The following CAP2 variants were observed in gnomAD, a reference collection of about 807,000 sequenced individuals.
CAP2 encodes the protein cyclase associated actin cytoskeleton regulatory protein 2, also known as adenylyl cyclase-associated protein 2.
Under a neutral mutation model 57.7 loss-of-function variants are expected in CAP2, and 24 were observed. The observed-to-expected ratio is 0.42, with a 90% CI of 0.30 to 0.58. CAP2 has a LOEUF of 0.58. Among genes scored for constraint, CAP2 ranks in the 20% least tolerant of loss-of-function variants. The pLI is 0.22. For synonymous variants in CAP2, 194 were observed against 207.2 expected (o/e 0.94, Z 0.55); for missense variants, 501 against 590.3 (o/e 0.85, Z 1.57).
intron 7 of CAP2, among the ~76,000 whole-genome samples, chr6:17,526,786 C>T (rs898514073): frequency 6.6e-6 from 1 of 151,290 alleles, no homozygotes; most frequent in African/African-American, 2.4e-5. Context: ...GGTGAAACCC[C>T]GTCTCTACTA....
chr6:17,517,850 G>A (rs990358453), intron 7 of CAP2, among the ~76,000 whole-genome samples: 1 of 152,128 alleles, frequency 6.6e-6, no homozygotes, highest in African/African-American at 2.4e-5. Flanking sequence ...GTAGTGAGCC[G>A]AGATCGTGCC....
chr6:17,542,444 A>G lies in CAP2; in HGVS notation c.1003-393A>G, dbSNP rs557382889. On this transcript the variant is annotated intron_variant, in intron 9 of 12. Transcript: ENST00000229922. Reference sequence around the variant, plus strand: ...TCCCTGGAGAGTTGTCATCGCCTTGAAAACACAAGGGCTTAGACCACTGCT... The same window carrying G: ...TCCCTGGAGAGTTGTCATCGCCTTGGAAACACAAGGGCTTAGACCACTGCT... 6.0e-4 allele frequency among the ~76,000 whole-genome samples: 88 copies of G among 146,836 alleles called. 2 individuals carry two copies. The Middle Eastern group carries it at 0.01, about 17-fold the overall frequency.
At chr6:17,491,926 T>C (rs570039444) in intron 4 of CAP2, among the ~76,000 whole-genome samples, 1 of 152,380 alleles carries the variant, frequency 6.6e-6, no homozygotes, top group East Asian at 1.9e-4. Context: ...CCCACAGGAC[T>C]CTCAGATTTC....
At chr6:17,435,681 T>TAAA (rs71002211) in intron 3 of CAP2, among the ~76,000 whole-genome samples, 351 of 67,322 alleles carry the variant, frequency 5.2e-3, no homozygotes, top group East Asian at 9.4e-3. Context: ...TAGAGTATAA[T>TAAA]AAAAAAAAAA....
chr6:17,438,726 A>C (rs1354210955), intron 3 of CAP2, among the ~76,000 whole-genome samples: 10 of 145,766 alleles, frequency 6.9e-5, no homozygotes, highest in African/African-American at 1.5e-4. Flanking sequence ...GGTGTGAGCC[A>C]CCGCACCCGG....
At position 17,428,331 on chromosome 6, in the gene CAP2, G is replaced by A. The variant is rs189971488; in HGVS notation, c.222+1641G>A. Reference sequence around the variant, plus strand: ...TGTTTGCATTCATTTAGTGAAAATCGAATGTGATAGCCAAACCAATTAAAA... The same window carrying A: ...TGTTTGCATTCATTTAGTGAAAATCAAATGTGATAGCCAAACCAATTAAAA... On this transcript the variant is annotated intron_variant, in intron 3 of 12. Coordinates refer to ENST00000229922, the MANE Select transcript of CAP2 (RefSeq NM_006366.3). Among the ~76,000 whole-genome samples, 167 of 152,162 alleles carry A rather than the reference G, an allele frequency of 1.1e-3. 1 individual carries two copies. The Middle Eastern group carries it at 0.017, about 15-fold the overall frequency.
intron 7 of CAP2, among the ~76,000 whole-genome samples, chr6:17,520,041 G>C (rs1347607599): frequency 6.6e-6 from 1 of 152,148 alleles, no homozygotes; most frequent in Admixed American, 6.6e-5. Context: ...ACTGCACATG[G>C]ATGAATGTAT....
intron 7 of CAP2, 94 bp downstream of exon 7, chr6:17,514,048 C>T: frequency 1.2e-6 from 1 of 807,932 alleles, no homozygotes; most frequent in Non-Finnish European, 2.1e-6. Context: ...AAACTTACCT[C>T]AAGGAAAATG....
At chr6:17,393,967 T>G (rs1432271599) in intron 1 of CAP2, among the ~76,000 whole-genome samples, 1 of 147,634 alleles carries the variant, frequency 6.8e-6, no homozygotes, top group East Asian at 2.0e-4. Flanking sequence ...GCGGGCGGAC[T>G]CCCATCTGGG....
chr6:17,473,972 G>T (rs1176121445), intron 4 of CAP2, among the ~76,000 whole-genome samples: 5 of 152,080 alleles, frequency 3.3e-5, no homozygotes, highest in African/African-American at 1.2e-4. Context: ...TTTAGGAGAA[G>T]ACAAACTGCT....
chr6:17,532,134 CTTTTT>C (rs35428314), intron 7 of CAP2, among the ~76,000 whole-genome samples: 6 of 85,992 alleles, frequency 7.0e-5, no homozygotes, highest in Non-Finnish European at 1.1e-4. Flanking sequence ...GTTTGAAAAT[CTTTTT>C]TTTTTTTTTT....
chr6:17,429,835 C>T (rs955956484), intron 3 of CAP2, among the ~76,000 whole-genome samples: 5 of 152,192 alleles, frequency 3.3e-5, no homozygotes, highest in African/African-American at 4.8e-5. Flanking sequence ...CTGCCCATGA[C>T]GTTAATACTT....
chr6:17,507,543 C>A, intron 5 of CAP2, 98 bp from the exon 6 acceptor site: 2 of 838,494 alleles, frequency 2.4e-6, no homozygotes, highest in Non-Finnish European at 4.1e-6. Flanking sequence ...ACTTTCAAGT[C>A]CACGCGTCTC....
Position 17,431,390 on chromosome 6 carries a change from A to C in CAP2, c.222+4700A>C, listed in dbSNP as rs114317397. Among the ~76,000 whole-genome samples, 1,271 of 152,338 alleles carry C rather than the reference A, an allele frequency of 8.3e-3. 16 individuals are homozygous for C. Among genetic ancestry groups the C allele is most frequent in the African/African-American group, 0.028 (1,183 of 41,574 alleles). On this transcript the variant is annotated intron_variant, in intron 3 of 12. Transcript: ENST00000229922. ...ACCACAATTTGAACAAAAGGGCAAT[A>C]AAATTCAACTAAACGTAACACACAT...
Position 17,556,736 on chromosome 6 carries a change from AG to A in CAP2, c.*295del, listed in dbSNP as rs1361455583. On this transcript the variant is annotated 3_prime_UTR_variant, in exon 13 of 13. Transcript: ENST00000229922. ...TCTGTTCCCCTCATATCATGAACAC[AG>A]TAACTGATAGGTAAAAAGACTGCAT... 1.2e-5 allele frequency: 4 copies of A among 334,084 alleles called. No homozygotes were observed. The highest frequency in any genetic ancestry group is 8.3e-5 in the African/African-American group (4 of 48,154). 20.7% of individuals were successfully genotyped at this position (334,084 alleles called of 1,614,324 possible).
intron 1 of CAP2, among the ~76,000 whole-genome samples, chr6:17,407,452 C>T (rs1405024743): frequency 1.3e-5 from 2 of 151,032 alleles, no homozygotes; most frequent in African/African-American, 2.4e-5. Flanking sequence ...GCACTCCAGC[C>T]TGGGCAGCTG....
chr6:17,485,428 C>T (rs1241841393), intron 4 of CAP2, among the ~76,000 whole-genome samples: 11 of 152,150 alleles, frequency 7.2e-5, no homozygotes, highest in African/African-American at 1.2e-4. Flanking sequence ...CGGTGCCACC[C>T]GGCTTTCCCC....
In CAP2 at chr6:17,432,963, C is replaced by T. The variant is rs71556110; in HGVS notation, c.222+6273C>T. ...TTCCTCCCTCCCTCCCTCCCTCTCT[C>T]CCCCCTCCCTCCCTCTCTCCCTTCC... On this transcript the variant is annotated intron_variant, in intron 3 of 12. Transcript: ENST00000229922. Among the ~76,000 whole-genome samples, 35 of 130,542 alleles carry T rather than the reference C, an allele frequency of 2.7e-4. No homozygotes were observed. The South Asian group carries it at 6.0e-3, about 22-fold the overall frequency. The allele number at this position is 130,542 out of a possible 152,430, so 85.6% of individuals were successfully genotyped here.
intron 9 of CAP2, 42 bp downstream of exon 9, chr6:17,541,190 A>G: frequency 6.7e-7 from 1 of 1,498,982 alleles, no homozygotes. Flanking sequence ...GACATGCGCC[A>G]ATGAAAGGAC....
Sources: allele counts gnomAD v4.1 joint callset (sites outside exome capture counted in the v4.1 genomes callset), GRCh38; gene constraint gnomAD v4.1.1; transcripts MANE v1.5; gene names NCBI Gene and HGNC (gene_info 2026-07-23, HGNC 2026-07-21).